The following RAB8B variants were observed in gnomAD, a reference collection of about 807,000 sequenced individuals.
The protein encoded by RAB8B is RAB8B, member RAS oncogene family.
RAB8B carries 11 observed loss-of-function variants against 32.0 expected under a neutral mutation model. The ratio of observed to expected loss-of-function variants is 0.34; its 90% CI spans 0.22 to 0.57. The LOEUF is 0.57. RAB8B is among the 20% of genes least tolerant of loss of function. The probability of loss-of-function intolerance (pLI) is 0.86; values close to 1 mark genes in which losing one functional copy is unlikely to be tolerated. For missense variants in RAB8B, 190 were observed against 258.5 expected, an observed-to-expected ratio of 0.73 and a Z score of 1.82; for synonymous variants, 103 against 89.6, an observed-to-expected ratio of 1.15 and a Z score of -0.85.
intron 1 of RAB8B, among the ~76,000 whole-genome samples, chr15:63,241,415 C>T (rs1398021468): frequency 6.6e-6 from 1 of 152,144 alleles, no homozygotes. Flanking sequence ...TTAATTTATT[C>T]AGGTATACAG....
chr15:63,255,513 A>G lies in RAB8B; in HGVS notation c.253A>G (p.Met85Val). The G allele has an allele frequency of 6.3e-7, 1 of 1,598,162 alleles. No individual in the cohort carries two copies. Among genetic ancestry groups the G allele is most frequent in the East Asian group, 2.2e-5 (1 of 44,784 alleles). ...TAYYRGAMGIMLVYDITNEKS... is the reference protein window; with the variant it reads ...TAYYRGAMGIVLVYDITNEKS... ...ATATTTTTCCCCCTTATAGGGCATT[A>G]TGCTGGTCTATGACATCACAAATGA... Residue 85 changes from methionine (M) to valine (V), a missense_variant, in exon 4 of 8, where the codon ATG (methionine) becomes GTG (valine). By Grantham distance (21) the Met-to-Val change is conservative (BLOSUM62 1). This residue lies in a region of RAB8B where 80 missense variants were observed against 142.6 expected (regional missense o/e 0.56). Coordinates refer to ENST00000321437, the MANE Select transcript of RAB8B (RefSeq NM_016530.3).
In RAB8B at chr15:63,189,624, G is replaced by A; in HGVS notation, c.-1G>A. 1 of 1,613,742 alleles carries A rather than the reference G, an allele frequency of 6.2e-7. No individual in the cohort carries two copies. ...CCCGGTCAGAGGGCCGGAGCGAGAA[G>A]ATGGCGAAGACGTACGATTATCTCT... On this transcript the variant is annotated 5_prime_UTR_variant, in exon 1 of 8. Coordinates refer to ENST00000321437, the MANE Select transcript of RAB8B (RefSeq NM_016530.3).
At chr15:63,211,615 T>C (rs916283220) in intron 1 of RAB8B, among the ~76,000 whole-genome samples, 44 of 152,214 alleles carry the variant, frequency 2.9e-4, no homozygotes, top group African/African-American at 9.9e-4. Flanking sequence ...GGTAGTGTGG[T>C]AGAGTTCAAA....
intron 2 of RAB8B, among the ~76,000 whole-genome samples, chr15:63,245,959 A>T (rs887998121): frequency 6.6e-6 from 1 of 151,508 alleles, no homozygotes; most frequent in African/African-American, 2.4e-5. Flanking sequence ...TGCAACCTCC[A>T]CCTCCCGGGT....
intron 1 of RAB8B, among the ~76,000 whole-genome samples, chr15:63,204,080 G>A (rs72747091): frequency 0.044 from 6,705 of 152,120 alleles, 235 homozygotes; most frequent in East Asian, 0.18. Context: ...AGTATAAGGT[G>A]AGGTGTTTTT....
intron 2 of RAB8B, among the ~76,000 whole-genome samples, chr15:63,245,429 C>T (rs1342218391): frequency 6.6e-6 from 1 of 152,214 alleles, no homozygotes; most frequent in African/African-American, 2.4e-5. Flanking sequence ...CTTTTTTTCT[C>T]ATACATAGCA....
At chr15:63,236,115 C>T (rs887986906) in intron 1 of RAB8B, among the ~76,000 whole-genome samples, 2 of 152,172 alleles carry the variant, frequency 1.3e-5, no homozygotes, top group African/African-American at 4.8e-5. Context: ...CAGGACTGAA[C>T]TAAATGATCT....
chr15:63,265,395 T>G lies in RAB8B; in HGVS notation c.*1776T>G, dbSNP rs2038238547. 1 of 152,112 alleles carries G rather than the reference T, an allele frequency of 6.6e-6. No individual in the cohort carries two copies. Among genetic ancestry groups the G allele is most frequent in the African/African-American group, 2.4e-5 (1 of 41,440 alleles). 9.4% of individuals were successfully genotyped at this position (152,112 alleles called of 1,614,324 possible). ...CCTTAATTTTTTTTTTTTTGGTAAT[T>G]ACCTATAGGCTTAAAAGTCATTCGT... On this transcript the variant is annotated 3_prime_UTR_variant, in exon 8 of 8. Coordinates refer to ENST00000321437, the MANE Select transcript of RAB8B (RefSeq NM_016530.3). The surrounding 1 kb of genome is among the most constrained non-coding windows in gnomAD (Gnocchi z 4.9).
chr15:63,201,049 C>T (rs576456303), intron 1 of RAB8B, among the ~76,000 whole-genome samples: 1 of 151,868 alleles, frequency 6.6e-6, no homozygotes. Flanking sequence ...TTTCCAAGAA[C>T]CTCTTTCCTC....
intron 1 of RAB8B, among the ~76,000 whole-genome samples, chr15:63,211,014 A>G (rs2037742675): frequency 6.6e-6 from 1 of 152,210 alleles, no homozygotes; most frequent in African/African-American, 2.4e-5. Flanking sequence ...TTGCCAAAAG[A>G]TACCACTACA....
chr15:63,198,524 C>A (rs1207094891), intron 1 of RAB8B, among the ~76,000 whole-genome samples: 2 of 152,018 alleles, frequency 1.3e-5, no homozygotes, highest in Non-Finnish European at 2.9e-5. Flanking sequence ...TGCAAAAGCT[C>A]AGTTAGGTAT....
chr15:63,193,040 T>C (rs952469015), intron 1 of RAB8B, among the ~76,000 whole-genome samples: 13 of 151,948 alleles, frequency 8.6e-5, no homozygotes, highest in Non-Finnish European at 1.8e-4. Context: ...CTGGGCAACA[T>C]AGCAAGACCC....
chr15:63,249,138 G>T (rs2038094478), intron 2 of RAB8B, among the ~76,000 whole-genome samples: 1 of 152,154 alleles, frequency 6.6e-6, no homozygotes, highest in South Asian at 2.1e-4. Context: ...CTCCATAGCT[G>T]AACAAGTTCT....
In RAB8B at chr15:63,267,512, T is replaced by C. The variant is rs1413871127; in HGVS notation, c.*3893T>C. 2.0e-5 allele frequency: 3 copies of C among 152,252 alleles called. No homozygotes were observed. The highest frequency in any genetic ancestry group is 7.2e-5 in the African/African-American group (3 of 41,462). The allele number at this position is 152,252 out of a possible 1,614,324, so 9.4% of individuals were successfully genotyped here. On this transcript the variant is annotated 3_prime_UTR_variant, in exon 8 of 8. Transcript: ENST00000321437. Reference sequence around the variant, plus strand: ...ACCATAAACTGTTTGATGAAAATCATGCCCCTAATGGAAACTCTCTAGTTT... The same window carrying C: ...ACCATAAACTGTTTGATGAAAATCACGCCCCTAATGGAAACTCTCTAGTTT...
chr15:63,219,515 C>G (rs2141120952), intron 1 of RAB8B, among the ~76,000 whole-genome samples: 1 of 150,564 alleles, frequency 6.6e-6, no homozygotes, highest in South Asian at 2.1e-4. Flanking sequence ...TAAGAGAACA[C>G]AGAGTCCACT....
chr15:63,225,640 C>T (rs2037882539), intron 1 of RAB8B, among the ~76,000 whole-genome samples: 1 of 151,886 alleles, frequency 6.6e-6, no homozygotes, highest in Non-Finnish European at 1.5e-5. Context: ...TTAGCAAAGA[C>T]ACCAGTATGG....
intron 1 of RAB8B, among the ~76,000 whole-genome samples, chr15:63,243,930 G>A (rs1478221081): frequency 2.0e-5 from 3 of 152,132 alleles, no homozygotes; most frequent in Non-Finnish European, 2.9e-5. Context: ...GTGCACTCAT[G>A]CAGAAGAAAA....
chr15:63,255,705 C>A, intron 4 of RAB8B, 121 bp downstream of exon 4: 1 of 750,874 alleles, frequency 1.3e-6, no homozygotes, highest in Non-Finnish European at 2.3e-6. Flanking sequence ...GTTGGGCCCT[C>A]TCTCTCTGAA....
rs139657868 is a variant in RAB8B, at chr15:63,229,174, C to T, written c.125-15582C>T. ...AAGACACAAAGCCTTCAGTGGCTAC[C>T]CCAGCATTGGGAAATAAGGGGTGGG... On this transcript the variant is annotated intron_variant, in intron 1 of 7. Coordinates refer to ENST00000321437, the MANE Select transcript of RAB8B (RefSeq NM_016530.3). 5.1e-4 allele frequency among the ~76,000 whole-genome samples: 77 copies of T among 152,270 alleles called. No homozygotes were observed. In the East Asian group the frequency reaches 0.014, roughly 28 times the overall value.
Sources: gnomAD v4.1 joint callset for allele counts (sites outside exome capture counted in the v4.1 genomes callset) on GRCh38, gnomAD v4.1.1 for gene constraint, gnomAD v4.1.1 regional missense constraint, Gnocchi (gnomAD v3.1) non-coding constraint, MANE v1.5 for transcripts, NCBI Gene and HGNC (gene_info 2026-07-23, HGNC 2026-07-21) for gene names.